Variants in MAST4 observed in about 807,000 individuals in gnomAD.
The protein encoded by MAST4 is microtubule-associated serine/threonine-protein kinase 4.
A neutral mutation model predicts 162.7 loss-of-function variants in MAST4; 89 were observed. That is an observed-to-expected ratio of 0.55 (90% CI 0.46 to 0.65). The LOEUF (loss-of-function observed/expected upper bound fraction) is 0.65. MAST4 is among the 30% of genes least tolerant of loss of function. The pLI, the probability that MAST4 is intolerant of heterozygous loss-of-function variation, is 0.00. For synonymous variants in MAST4, 1,479 were observed against 1,361.1 expected, an observed-to-expected ratio of 1.09 and a Z score of -1.91; for missense variants, 3,153 against 3,374.0, an observed-to-expected ratio of 0.93 and a Z score of 1.62.
At chr5:66,618,328 G>T (rs1286714765) in intron 1 of MAST4, among the ~76,000 whole-genome samples, 2 of 152,186 alleles carry the variant, frequency 1.3e-5, no homozygotes. Context: ...GGGTCTTCCA[G>T]TAAGTGACAG....
At chr5:67,094,203 G>C (rs760455644) in intron 6 of MAST4, 1 of 1,420,582 alleles carries the variant, frequency 7.0e-7, no homozygotes, top group Non-Finnish European at 9.6e-7. Flanking sequence ...TAGTAGTTCT[G>C]TGATTTGTCC....
chr5:67,136,428 C>T, intron 18 of MAST4, 135 bp from the exon 19 acceptor site: 3 of 605,910 alleles, frequency 5.0e-6, no homozygotes, highest in Non-Finnish European at 9.0e-6. Context: ...TGTTGAAAGG[C>T]AGACTCTGAT....
chr5:67,041,920 G>A (rs368112289), intron 4 of MAST4, among the ~76,000 whole-genome samples: 1 of 152,224 alleles, frequency 6.6e-6, no homozygotes, highest in East Asian at 1.9e-4. Context: ...GAGCCACTGT[G>A]CCTAGCCATG....
chr5:67,054,595 T>C lies in MAST4; in HGVS notation c.763+103T>C. ...ATTTGGTATGTCTTCACATGTTATC[T>C]TTGTTTTCCTGCTGTTTTATCCCTA... On this transcript the variant is annotated intron_variant, in intron 5 of 28. Transcript: ENST00000403625. The C allele has an allele frequency of 4.0e-6, 4 of 1,002,712 alleles. No homozygotes were observed. The South Asian group carries it at 6.9e-5, about 17-fold the overall frequency. The allele number at this position is 1,002,712 out of a possible 1,614,324, so 62.1% of individuals were successfully genotyped here. A position where few individuals can be genotyped will look rare whatever the true frequency, so the allele number is the denominator to read the frequency against.
chr5:67,143,916 G>T (rs1473403138), intron 21 of MAST4, among the ~76,000 whole-genome samples: 2 of 152,142 alleles, frequency 1.3e-5, no homozygotes, highest in Non-Finnish European at 2.9e-5. Context: ...GGAGGCCTGA[G>T]GACCATTCCC....
At chr5:67,133,013 C>T (rs1260937034) in intron 16 of MAST4, among the ~76,000 whole-genome samples, 1 of 151,972 alleles carries the variant, frequency 6.6e-6, no homozygotes, top group African/African-American at 2.4e-5. Flanking sequence ...ATTGCAGATT[C>T]TTTGCATGGG....
chr5:67,012,378 C>T (rs1752793182), intron 4 of MAST4, among the ~76,000 whole-genome samples: 1 of 152,148 alleles, frequency 6.6e-6, no homozygotes, highest in African/African-American at 2.4e-5. Context: ...CAGATGGAAA[C>T]TGGAGGCCCT....
intron 1 of MAST4, among the ~76,000 whole-genome samples, chr5:66,717,724 G>A (rs559411136): frequency 6.0e-4 from 91 of 152,318 alleles, no homozygotes; most frequent in African/African-American, 2.2e-3. Flanking sequence ...CTAAGGTGTT[G>A]TTCCCCCACC....
At chr5:67,043,844 G>A (rs1041902459) in intron 4 of MAST4, among the ~76,000 whole-genome samples, 1 of 152,138 alleles carries the variant, frequency 6.6e-6, no homozygotes, top group Non-Finnish European at 1.5e-5. Context: ...CAGTATGTCT[G>A]TTGACTTCTC....
chr5:66,857,451 T>G (rs1201754452), intron 3 of MAST4, among the ~76,000 whole-genome samples: 1 of 152,250 alleles, frequency 6.6e-6, no homozygotes, highest in Non-Finnish European at 1.5e-5. Flanking sequence ...TTCTATAGTA[T>G]ACACATTTTT....
intron 1 of MAST4, among the ~76,000 whole-genome samples, chr5:66,707,964 C>T (rs968933131): frequency 6.6e-6 from 1 of 152,180 alleles, no homozygotes; most frequent in African/African-American, 2.4e-5. Flanking sequence ...ATGACAGTAA[C>T]AGCTACCGTT....
intron 3 of MAST4, among the ~76,000 whole-genome samples, chr5:66,876,934 C>T (rs1259309838): frequency 6.6e-6 from 1 of 152,166 alleles, no homozygotes; most frequent in African/African-American, 2.4e-5. Context: ...TGGAACCAAG[C>T]TTAAAAAATC....
chr5:67,102,118 A>G (rs1561654005), intron 8 of MAST4, among the ~76,000 whole-genome samples: 2 of 151,756 alleles, frequency 1.3e-5, no homozygotes, highest in Non-Finnish European at 2.9e-5. Flanking sequence ...GTGTATGATA[A>G]AAGTGTGAAA....
At chr5:66,799,388 A>G (rs1755807175) in intron 3 of MAST4, among the ~76,000 whole-genome samples, 1 of 152,170 alleles carries the variant, frequency 6.6e-6, no homozygotes, top group Non-Finnish European at 1.5e-5. Flanking sequence ...GACTGGAAGC[A>G]TCTCTTCCTG....
chr5:66,916,270 T>A (rs540518198), intron 4 of MAST4, among the ~76,000 whole-genome samples: 128 of 152,146 alleles, frequency 8.4e-4, no homozygotes, highest in Non-Finnish European at 1.7e-3. Flanking sequence ...CAGGAGTCCT[T>A]GGAAATGGAG....
chr5:66,843,722 T>C (rs1401934904), intron 3 of MAST4, among the ~76,000 whole-genome samples: 1 of 152,192 alleles, frequency 6.6e-6, no homozygotes, highest in Admixed American at 6.6e-5. Flanking sequence ...ACTTTACCAG[T>C]TCTCTTTGCT....
rs112829366 is a variant in MAST4, at chr5:66,939,773, C to T, written c.674+39791C>T. ...TTTTTTTTTTTCCCCAGACCACTGC[C>T]GTAAAGTGACTGCAATAAAACAAAT... On this transcript the variant is annotated intron_variant, in intron 4 of 28. Coordinates refer to ENST00000403625, the MANE Select transcript of MAST4 (RefSeq NM_001164664.2). 6.9e-3 allele frequency among the ~76,000 whole-genome samples: 1,041 copies of T among 151,732 alleles called. 5 individuals carry two copies. The highest frequency in any genetic ancestry group is 0.012 in the Non-Finnish European group (822 of 67,882).
intron 4 of MAST4, among the ~76,000 whole-genome samples, chr5:67,016,824 A>G (rs1753341439): frequency 6.6e-6 from 1 of 152,182 alleles, no homozygotes; most frequent in Non-Finnish European, 1.5e-5. Context: ...ATAAGTGTAT[A>G]TGTTATCTAC....
intron 1 of MAST4, among the ~76,000 whole-genome samples, chr5:66,752,321 A>C (rs2149596055): frequency 6.6e-6 from 1 of 151,380 alleles, no homozygotes. Flanking sequence ...CAATGGACTA[A>C]ATGCTCCAAT....
Sources: gnomAD v4.1 joint callset for allele counts (sites outside exome capture counted in the v4.1 genomes callset) on GRCh38, gnomAD v4.1.1 for gene constraint, MANE v1.5 for transcripts, NCBI Gene and HGNC (gene_info 2026-07-23, HGNC 2026-07-21) for gene names.